EXT2: variants seen among roughly 807,000 people sequenced by gnomAD.
EXT2 encodes exostosin glycosyltransferase 2.
Under a neutral mutation model 81.6 loss-of-function variants are expected in EXT2, and 53 were observed. That is an observed-to-expected ratio of 0.65 (90% CI 0.52 to 0.82). EXT2 has a LOEUF of 0.82. Among genes scored for constraint, EXT2 ranks in the 40% least tolerant of loss-of-function variants. The pLI is 0.00. For missense variants in EXT2, 774 were observed against 910.2 expected (o/e 0.85, Z 1.93); for synonymous variants, 320 against 340.0 (o/e 0.94, Z 0.65).
intron 1 of EXT2, chr11:44,104,774 A>G (rs1392267100): frequency 4.6e-5 from 7 of 152,240 alleles, no homozygotes; most frequent in Non-Finnish European, 8.8e-5. Context: ...CAAGGAAGCC[A>G]TACCATAGGG....
chr11:44,196,901 C>T (rs1955461649), intron 8 of EXT2, among the ~76,000 whole-genome samples: 1 of 152,098 alleles, frequency 6.6e-6, no homozygotes, highest in African/African-American at 2.4e-5. Context: ...AGAATCTGCT[C>T]ATGATTGAGA....
chr11:44,122,440 C>T (rs926194663), intron 4 of EXT2, among the ~76,000 whole-genome samples: 14 of 152,084 alleles, frequency 9.2e-5, no homozygotes, highest in Admixed American at 5.9e-4. Context: ...AGATGAACTG[C>T]GGGTGCTCCC....
At chr11:44,100,311 T>C (rs567999488) in intron 1 of EXT2, among the ~76,000 whole-genome samples, 6 of 152,310 alleles carry the variant, frequency 3.9e-5, no homozygotes, top group African/African-American at 1.4e-4. Context: ...GGCTGTGAGA[T>C]AGTATTGTGA....
In EXT2 at chr11:44,117,126, C is replaced by T. The variant is rs536618504; in HGVS notation, c.743+2825C>T. 2.8e-4 allele frequency among the ~76,000 whole-genome samples: 42 copies of T among 152,192 alleles called. No individual in the cohort carries two copies. The South Asian group carries it at 7.3e-3, about 26-fold the overall frequency. On this transcript the variant is annotated intron_variant, in intron 4 of 13. Transcript: ENST00000533608. ...CTGGGATTACAGGCGTGTGCCACCA[C>T]GCCCAGCTAATTTTGTATTTTTTGC...
intron 10 of EXT2, among the ~76,000 whole-genome samples, chr11:44,213,050 A>G (rs1031598319): frequency 6.6e-6 from 1 of 152,144 alleles, no homozygotes; most frequent in Non-Finnish European, 1.5e-5. Context: ...AGTAAACTCT[A>G]TTTCAAAACT....
intron 7 of EXT2, among the ~76,000 whole-genome samples, chr11:44,158,176 G>A (rs1027048075): frequency 6.6e-6 from 1 of 152,180 alleles, no homozygotes; most frequent in Non-Finnish European, 1.5e-5. Flanking sequence ...CCTGAGGTTG[G>A]GGGAGCAGTG....
chr11:44,207,204 CA>C (rs1955594134), intron 10 of EXT2, among the ~76,000 whole-genome samples: 1 of 152,150 alleles, frequency 6.6e-6, no homozygotes, highest in Non-Finnish European at 1.5e-5. Context: ...AGGAGAGTCC[CA>C]GGGGACAATT....
intron 3 of EXT2, among the ~76,000 whole-genome samples, chr11:44,113,046 GA>G (rs1205571633): frequency 6.6e-6 from 1 of 152,116 alleles, no homozygotes; most frequent in Non-Finnish European, 1.5e-5. Context: ...TGATAATCAG[GA>G]AAAATAAGAC....
chr11:44,151,693 G>A (rs576528443), intron 7 of EXT2, among the ~76,000 whole-genome samples: 1 of 152,194 alleles, frequency 6.6e-6, no homozygotes, highest in South Asian at 2.1e-4. Flanking sequence ...GCAGGTTTTC[G>A]AGTAGATGTA....
chr11:44,109,096 T>G lies in EXT2; in HGVS notation c.537-98T>G, dbSNP rs141802432. On this transcript the variant is annotated intron_variant, in intron 2 of 13. Transcript: ENST00000533608. ...TTGCATACCTGAGAAGCGGCCCTATTTGGGCTTGGGGATCCTTGATAGTTG... is the reference window on the plus strand; with the variant it reads ...TTGCATACCTGAGAAGCGGCCCTATGTGGGCTTGGGGATCCTTGATAGTTG... 1.5e-3 allele frequency: 1,942 copies of G among 1,309,176 alleles called. 18 individuals carry two copies. In the African/African-American group the frequency reaches 0.024, roughly 16 times the overall value. The allele number at this position is 1,309,176 out of a possible 1,614,324, so 81.1% of individuals were successfully genotyped here.
rs1343630556 is a variant in EXT2, at chr11:44,197,981, T to A, written c.1458T>A (p.Leu486=). ...VSKVPSLSKL[L]VVWNNQNKNP... is the part of the protein sequence containing the mutation. ...AGGTGCCCAGTCTATCCAAACTACTTGTCGTCTGGAATAATCAGAATAAAA... is the reference window on the plus strand; with the variant it reads ...AGGTGCCCAGTCTATCCAAACTACTAGTCGTCTGGAATAATCAGAATAAAA... Residue 486 remains leucine, a synonymous_variant, in exon 9 of 14, where the codon CTT becomes CTA. Transcript: ENST00000533608. 40 of 1,614,080 alleles carry A rather than the reference T, an allele frequency of 2.5e-5. No homozygotes were observed. Among genetic ancestry groups the A allele is most frequent in the Non-Finnish European group, 3.2e-5 (38 of 1,179,978 alleles).
At chr11:44,178,050 A>G (rs1427778310) in intron 8 of EXT2, among the ~76,000 whole-genome samples, 1 of 152,226 alleles carries the variant, frequency 6.6e-6, no homozygotes, top group Non-Finnish European at 1.5e-5. Flanking sequence ...TTGAAGATAG[A>G]AAGGGCAAGG....
In EXT2 at chr11:44,234,126, C is replaced by A. The variant is rs1955931093; in HGVS notation, c.1818C>A (p.Tyr606Ter). The A allele has an allele frequency of 6.2e-7, 1 of 1,613,964 alleles. No homozygotes were observed. Among genetic ancestry groups the A allele is most frequent in the African/African-American group, 1.3e-5 (1 of 75,020 alleles). Residue 606 changes from tyrosine (Y) to a stop codon, truncating the protein, a stop_gained, in exon 12 of 14, where the codon TAC becomes TAA. Transcript: ENST00000533608. LOFTEE classifies it high-confidence loss of function. The part of the protein sequence containing the change: ...GAAFYHKYFN[Y>*]LYTYKMPGDI... Reference sequence around the variant, plus strand: ...GTCTCACTTGACAGTATTTTAATTACCTGTATACCTACAAAATGCCTGGGG... The same window carrying A: ...GTCTCACTTGACAGTATTTTAATTAACTGTATACCTACAAAATGCCTGGGG...
intron 1 of EXT2, among the ~76,000 whole-genome samples, chr11:44,103,138 G>A (rs933697719): frequency 3.3e-5 from 5 of 151,924 alleles, no homozygotes; most frequent in Non-Finnish European, 5.9e-5. Flanking sequence ...TTTACATTTA[G>A]TTTTAAGATA....
At chr11:44,163,069 G>T (rs923572686) in intron 7 of EXT2, among the ~76,000 whole-genome samples, 1 of 152,134 alleles carries the variant, frequency 6.6e-6, no homozygotes, top group Non-Finnish European at 1.5e-5. Context: ...AAGTTAAAGG[G>T]ATATCAGATA....
chr11:44,200,289 AC>A lies in EXT2; in HGVS notation c.1495+2277del, dbSNP rs1319310089. Among the ~76,000 whole-genome samples, 4 of 148,144 alleles carry A rather than the reference AC, an allele frequency of 2.7e-5. 1 individual carries two copies. In the East Asian group the frequency reaches 5.9e-4, roughly 22 times the overall value. ...GGAGGATTTGTGTAGGCAGAAATCTACCCCCCTTCCCACTTTTTTTTTTTTT... is the reference window on the plus strand; with the variant it reads ...GGAGGATTTGTGTAGGCAGAAATCTACCCCCTTCCCACTTTTTTTTTTTTT... On this transcript the variant is annotated intron_variant, in intron 9 of 13. Coordinates refer to ENST00000533608, the MANE Select transcript of EXT2 (RefSeq NM_207122.2).
intron 4 of EXT2, among the ~76,000 whole-genome samples, chr11:44,123,023 A>G (rs1407998270): frequency 6.6e-6 from 1 of 152,210 alleles, no homozygotes; most frequent in Non-Finnish European, 1.5e-5. Flanking sequence ...AGTTAGGCCA[A>G]AACCAGAATT....
At position 44,119,175 on chromosome 11, in the gene EXT2, T is replaced by TACAC. The variant is rs151028121; in HGVS notation, c.743+4890_743+4893dup. Among the ~76,000 whole-genome samples, 14 of 105,730 alleles carry TACAC rather than the reference T, an allele frequency of 1.3e-4. 1 individual carries two copies. Among genetic ancestry groups the TACAC allele is most frequent in the Non-Finnish European group, 2.7e-4 (14 of 51,314 alleles). 69.4% of individuals were successfully genotyped at this position (105,730 alleles called of 152,430 possible). A position where few individuals can be genotyped will look rare whatever the true frequency, so the allele number is the denominator to read the frequency against. ...ATATATATATATATATATATACACA[T>TACAC]ACACACACACACACACACATTTTTG... On this transcript the variant is annotated intron_variant, in intron 4 of 13. Transcript: ENST00000533608.
intron 1 of EXT2, among the ~76,000 whole-genome samples, chr11:44,107,140 A>C (rs116471922): frequency 6.6e-6 from 1 of 151,682 alleles, no homozygotes; most frequent in Non-Finnish European, 1.5e-5. Flanking sequence ...ATTTTATATT[A>C]TGAATTAATA....
Sources: allele counts gnomAD v4.1 joint callset (sites outside exome capture counted in the v4.1 genomes callset), GRCh38; gene constraint gnomAD v4.1.1; transcripts MANE v1.5; gene names NCBI Gene and HGNC (gene_info 2026-07-23, HGNC 2026-07-21).